GPR35: variants seen among roughly 807,000 people sequenced by gnomAD.
The protein encoded by GPR35 is KYNA receptor.
For synonymous variants in GPR35, 207 were observed against 198.4 expected, an observed-to-expected ratio of 1.04 and a Z score of -0.36; for missense variants, 372 against 422.5, an observed-to-expected ratio of 0.88 and a Z score of 1.05.
upstream of GPR35, among the ~76,000 whole-genome samples, chr2:240,623,001 G>C (rs1365303650): frequency 6.6e-6 from 1 of 152,238 alleles, no homozygotes; most frequent in Non-Finnish European, 1.5e-5. Context: ...TCGAACCTGG[G>C]GACTCCGGGT....
chr2:240,626,923 T>G, intron 1 of GPR35, among the ~76,000 whole-genome samples: 1 of 152,172 alleles, frequency 6.6e-6, no homozygotes, highest in South Asian at 2.1e-4. Context: ...GCCAGGTTTC[T>G]CTCCTGGATC....
At chr2:240,621,488 C>T (rs1045454296), upstream of GPR35, among the ~76,000 whole-genome samples, 8 of 152,126 alleles carry the variant, frequency 5.3e-5, no homozygotes, top group African/African-American at 1.4e-4. Context: ...CTCCTGACCT[C>T]GTGATCCCCC....
intron 1 of GPR35, among the ~76,000 whole-genome samples, chr2:240,627,025 G>A (rs80329035): frequency 3.1e-4 from 47 of 152,332 alleles, no homozygotes; most frequent in African/African-American, 1.1e-3. Flanking sequence ...GGCCTCAGAG[G>A]CGTGCTGCTG....
At chr2:240,623,441 GGC>G (rs1261449253), upstream of GPR35, among the ~76,000 whole-genome samples, 25 of 80,894 alleles carry the variant, frequency 3.1e-4, 1 homozygote, top group African/African-American at 1.2e-3. Flanking sequence ...AGGTCGTGAG[GGC>G]GCAAACAGGT....
rs1293529854 is a variant in GPR35, at chr2:240,616,264, G to T, written c.-576-124G>T. The T allele has an allele frequency of 1.1e-5, 7 of 628,278 alleles. No homozygotes were observed. In the African/African-American group the frequency reaches 1.3e-4, roughly 12 times the overall value. 38.9% of individuals were successfully genotyped at this position (628,278 alleles called of 1,614,324 possible). A position where few individuals can be genotyped will look rare whatever the true frequency, so the allele number is the denominator to read the frequency against. On this transcript the variant is annotated intron_variant, in intron 2 of 5. Transcript: ENST00000319838. Reference sequence around the variant, plus strand: ...CTGAGGGTGACCTTCCATTGGGCTCGTGGTCCCAACCTCGACAGCAGTGGC... The same window carrying T: ...CTGAGGGTGACCTTCCATTGGGCTCTTGGTCCCAACCTCGACAGCAGTGGC...
chr2:240,629,895 C>G (rs2043419138), intron 1 of GPR35, 54 bp from the exon 2 acceptor site: 4 of 1,474,136 alleles, frequency 2.7e-6, no homozygotes, highest in Admixed American at 3.5e-5. Flanking sequence ...GGGGGCAGTG[C>G]CTTGCTCCCC....
chr2:240,626,003 T>TG (rs1299414824), intron 1 of GPR35, among the ~76,000 whole-genome samples: 106 of 22,176 alleles, frequency 4.8e-3, no homozygotes, highest in Admixed American at 5.9e-3. Context: ...GAGGCTGTGA[T>TG]GGGGTCTCAG....
At chr2:240,623,704 T>C (rs2043334977), upstream of GPR35, among the ~76,000 whole-genome samples, 1 of 151,308 alleles carries the variant, frequency 6.6e-6, no homozygotes, top group African/African-American at 2.4e-5. Flanking sequence ...TGGAGAGAGG[T>C]AGGGGGTGGG....
At chr2:240,621,315 C>T (rs183206571), upstream of GPR35, among the ~76,000 whole-genome samples, 18 of 152,290 alleles carry the variant, frequency 1.2e-4, no homozygotes, top group East Asian at 2.1e-3. Context: ...AGTGCAGTGG[C>T]GTGATCTCGG....
chr2:240,629,078 T>G (rs551441049), intron 1 of GPR35: 103 of 152,514 alleles, frequency 6.8e-4, no homozygotes, highest in African/African-American at 2.4e-3. Context: ...TCAGCCTTCC[T>G]GGGCTATGTC....
rs2125491160 is a variant in GPR35, at chr2:240,631,529, C to T, written c.*647C>T. ...AGCTGATCTCCATGTAGGGGCTGCACAGCGGTGCAAGGGGGGGTGACCAAG... is the reference window on the plus strand; with the variant it reads ...AGCTGATCTCCATGTAGGGGCTGCATAGCGGTGCAAGGGGGGGTGACCAAG... On this transcript the variant is annotated 3_prime_UTR_variant, in exon 2 of 2. Coordinates refer to ENST00000407714, the MANE Select transcript of GPR35 (RefSeq NM_005301.5). 6.6e-6 allele frequency among the ~76,000 whole-genome samples: 1 copy of T among 151,686 alleles called. No homozygotes were observed. The highest frequency in any genetic ancestry group is 2.1e-4 in the South Asian group (1 of 4,812).
chr2:240,614,637 G>A (rs531650294), intron 2 of GPR35, among the ~76,000 whole-genome samples: 2 of 152,328 alleles, frequency 1.3e-5, no homozygotes, highest in South Asian at 4.1e-4. Context: ...TCATCCCCCA[G>A]CATGGGTGCT....
intron 2 of GPR35, among the ~76,000 whole-genome samples, chr2:240,613,832 A>G (rs920412682): frequency 3.3e-5 from 5 of 151,232 alleles, no homozygotes; most frequent in African/African-American, 1.2e-4. Flanking sequence ...ACTAACTCCA[A>G]CTACAACCAT....
chr2:240,610,354 C>T (rs1166820110), intron 2 of GPR35, among the ~76,000 whole-genome samples: 2 of 152,298 alleles, frequency 1.3e-5, no homozygotes, highest in Non-Finnish European at 2.9e-5. Context: ...TTAATGCTTG[C>T]ATTTTATAAA....
At position 240,631,810 on chromosome 2, in the gene GPR35, G is replaced by T. The variant is rs937223726; in HGVS notation, c.*928G>T. Among the ~76,000 whole-genome samples, 1 of 152,222 alleles carries T rather than the reference G, an allele frequency of 6.6e-6. No individual in the cohort carries two copies. Among genetic ancestry groups the T allele is most frequent in the East Asian group, 1.9e-4 (1 of 5,192 alleles). On this transcript the variant is annotated 3_prime_UTR_variant, in exon 2 of 2. Transcript: ENST00000407714. ...CTCCAGAGACCTCCTGTGAGTGTGG[G>T]CCAGCACGGCCTGGGCTCAAACCCC...
exon 3 of GPR35, chr2:240,616,481 C>G: frequency 5.1e-6 from 4 of 780,652 alleles, no homozygotes; most frequent in Middle Eastern, 4.5e-4. Flanking sequence ...CTGTCGACTG[C>G]GAGTCAGCTC....
At position 240,630,621 on chromosome 2, in the gene GPR35, C is replaced by G. The variant is rs2043433721; in HGVS notation, c.669C>G (p.Leu223=). 6.2e-7 allele frequency: 1 copy of G among 1,612,950 alleles called. No homozygotes were observed. Among genetic ancestry groups the G allele is most frequent in the Admixed American group, 1.7e-5 (1 of 60,030 alleles). ...RKAARMVWAN[L]LVFVVCFLPL... ...CTGCCCGCATGGTCTGGGCCAACCT[C>G]CTGGTGTTCGTGGTCTGCTTCCTGC... The change falls in exon 2 of 2, where the codon CTC becomes CTG. Residue 223 remains leucine (L), a synonymous_variant. Coordinates refer to ENST00000407714, the MANE Select transcript of GPR35 (RefSeq NM_005301.5).
At chr2:240,610,420 T>C (rs1026359788) in intron 2 of GPR35, among the ~76,000 whole-genome samples, 4 of 152,202 alleles carry the variant, frequency 2.6e-5, no homozygotes, top group Admixed American at 1.3e-4. Context: ...TTGTTTATAT[T>C]TAAAGTATAT....
At chr2:240,616,136 C>T (rs1686990028) in intron 2 of GPR35, among the ~76,000 whole-genome samples, 1 of 152,190 alleles carries the variant, frequency 6.6e-6, no homozygotes, top group Non-Finnish European at 1.5e-5. Context: ...ATCTCCCCAT[C>T]TGCCTGATGT....
Sources: allele counts gnomAD v4.1 joint callset (sites outside exome capture counted in the v4.1 genomes callset), GRCh38; gene constraint gnomAD v4.1.1; transcripts MANE v1.5; gene names NCBI Gene and HGNC (gene_info 2026-07-23, HGNC 2026-07-21).